The following FAM171A2 variants were observed in gnomAD, a reference collection of about 807,000 sequenced individuals.
The protein encoded by FAM171A2 is protein FAM171A2.
In FAM171A2, 13 loss-of-function variants were observed where a neutral mutation model predicts 34.2. The ratio of observed to expected loss-of-function variants is 0.38; its 90% CI spans 0.25 to 0.60. FAM171A2 has a LOEUF of 0.60. Among genes scored for constraint, FAM171A2 ranks in the 20% least tolerant of loss-of-function variants. FAM171A2 has a pLI of 0.62. For missense variants in FAM171A2, 950 were observed against 1,180.7 expected (o/e 0.80, Z 2.86); for synonymous variants, 475 against 561.2 (o/e 0.85, Z 2.17).
chr17:44,362,264 A>C (rs530080295), intron 1 of FAM171A2, among the ~76,000 whole-genome samples: 62 of 152,074 alleles, frequency 4.1e-4, no homozygotes, highest in Non-Finnish European at 2.1e-4. Flanking sequence ...GGGCGTCCTA[A>C]GAAACTAGGG....
At position 44,356,316 on chromosome 17, in the gene FAM171A2, G is replaced by T; in HGVS notation, c.635C>A (p.Ala212Asp). The part of the protein sequence containing the change: ...GSWLELMPLT[A>D]VSVHLLTGNG... ...ACCTGTCAGCAGGTGCACGCTCACA[G>T]CAGTCAGGGGCATCAGCTCCAGCCA... Residue 212 changes from alanine (A) to aspartate (D), a missense_variant, in exon 5 of 8, where the codon GCT becomes GAT. Coordinates refer to ENST00000293443, the MANE Select transcript of FAM171A2 (RefSeq NM_198475.3). The T allele has an allele frequency of 6.5e-7, 1 of 1,549,126 alleles. No homozygotes were observed. Among genetic ancestry groups the T allele is most frequent in the Non-Finnish European group, 8.7e-7 (1 of 1,145,410 alleles).
Position 44,360,125 on chromosome 17 carries a change from C to T in FAM171A2, c.126G>A (p.Leu42=). The change falls in exon 2 of 8, where the codon CTG becomes CTA. Residue 42 remains leucine, a synonymous_variant. Transcript: ENST00000293443. ...PPEPPSPQEI[L]IKVQVYVSGE... ...CGCTCACATACACCTGCACCTTGATCAGGATCTCTGTGGGCAAGATGGGGC... is the reference window on the plus strand; with the variant it reads ...CGCTCACATACACCTGCACCTTGATTAGGATCTCTGTGGGCAAGATGGGGC... 6.4e-7 allele frequency: 1 copy of T among 1,551,292 alleles called. No homozygotes were observed. Among genetic ancestry groups the T allele is most frequent in the South Asian group, 1.2e-5 (1 of 84,020 alleles).
At chr17:44,362,101 G>A (rs111568402) in intron 1 of FAM171A2, among the ~76,000 whole-genome samples, 3,154 of 152,078 alleles carry the variant, frequency 0.021, 47 homozygotes, top group Non-Finnish European at 0.034. Flanking sequence ...TGCGGGTGGG[G>A]GAGAAGGGAG....
chr17:44,355,615 C>T lies in FAM171A2; in HGVS notation c.1022+100G>A, dbSNP rs1328759809. On this transcript the variant is annotated intron_variant, in intron 7 of 7. Transcript: ENST00000293443. This position sits in a 1 kb window ranked among gnomAD's most constrained non-coding sequence, Gnocchi z 4.1. ...TTAGCATGTTTGCAGGAAGTCTTTT[C>T]CTGTCTGCCCCTTGAGGACCAGAAG... is the stretch of plus-strand genomic sequence containing the variant. 2 of 1,474,972 alleles carry T rather than the reference C, an allele frequency of 1.4e-6. No individual in the cohort carries two copies. Among genetic ancestry groups the T allele is most frequent in the African/African-American group, 1.4e-5 (1 of 71,586 alleles). 91.4% of individuals were successfully genotyped at this position (1,474,972 alleles called of 1,614,324 possible). A position where few individuals can be genotyped will look rare whatever the true frequency, so the allele number is the denominator to read the frequency against.
Position 44,354,234 on chromosome 17 carries a change from C to A in FAM171A2, c.1980G>T (p.Gly660=). The change falls in exon 8 of 8, where the codon GGG becomes GGT. Residue 660 remains glycine (G), a synonymous_variant. Transcript: ENST00000293443. The surrounding 1 kb of genome is among the most constrained non-coding windows in gnomAD (Gnocchi z 5.8). ...HPRAWFVSLD[G]RSNSQVRHSY... ...AGTGGCGCACTTGCGAGTTGGAGCG[C>A]CCGTCGAGGGACACGAACCAGGCGC... 6.9e-7 allele frequency: 1 copy of A among 1,456,242 alleles called. No individual in the cohort carries two copies. Among genetic ancestry groups the A allele is most frequent in the Admixed American group, 2.4e-5 (1 of 41,850 alleles). The allele number at this position is 1,456,242 out of a possible 1,614,324, so 90.2% of individuals were successfully genotyped here.
In FAM171A2 at chr17:44,356,173, C is replaced by T. The variant is rs2048422388; in HGVS notation, c.778G>A (p.Gly260Arg). ...IPAWRFDPKS[G>R]LWVRNGTGVI... ...ACCTGCAGCCCCCTGAGGCACTTAC[C>T]ACTCTTGGGGTCAAATCTCCAGGCT... is the stretch of plus-strand genomic sequence containing the variant. The change falls in exon 5 of 8, where the codon GGG (glycine) becomes AGG (arginine). Residue 260 changes from glycine to arginine, a missense_variant and splice_region_variant. Physicochemically the swap from Gly to Arg is moderately radical, Grantham distance 125. This residue lies in a region of FAM171A2 where 752 missense variants were observed against 924.5 expected (regional missense o/e 0.81). Coordinates refer to ENST00000293443, the MANE Select transcript of FAM171A2 (RefSeq NM_198475.3). The T allele has an allele frequency of 1.9e-6, 3 of 1,543,662 alleles. No homozygotes were observed. Among genetic ancestry groups the T allele is most frequent in the Non-Finnish European group, 1.8e-6 (2 of 1,141,196 alleles).
At position 44,354,886 on chromosome 17, in the gene FAM171A2, C is replaced by A; in HGVS notation, c.1328G>T (p.Gly443Val). The change falls in exon 8 of 8, where the codon GGC becomes GTC. Residue 443 changes from glycine to valine, a missense_variant. Transcript: ENST00000293443. The surrounding 1 kb of genome is among the most constrained non-coding windows in gnomAD (Gnocchi z 5.8). ...ARGGESAGLK[G>V]ARSAEGPGGL... ...GCCGGGGCCCTCGGCCGAGCGAGCG[C>A]CCTTGAGCCCGGCGCTCTCGCCCCC... 1.5e-6 allele frequency: 2 copies of A among 1,373,004 alleles called. No individual in the cohort carries two copies. Among genetic ancestry groups the A allele is most frequent in the Non-Finnish European group, 1.9e-6 (2 of 1,068,928 alleles). The allele number at this position is 1,373,004 out of a possible 1,614,324, so 85.1% of individuals were successfully genotyped here. A position where few individuals can be genotyped will look rare whatever the true frequency, so the allele number is the denominator to read the frequency against.
intron 3 of FAM171A2, chr17:44,358,932 G>C (rs1218723613): frequency 6.5e-6 from 1 of 152,752 alleles, no homozygotes; most frequent in African/African-American, 2.4e-5. Flanking sequence ...TGCTCCGTTC[G>C]ACAAGCTCTC....
In FAM171A2 at chr17:44,360,145, T is replaced by G. The variant is rs1200034266; in HGVS notation, c.119-13A>C. The G allele has an allele frequency of 5.2e-6, 8 of 1,543,496 alleles. No individual in the cohort carries two copies. The highest frequency in any genetic ancestry group is 1.4e-5 in the African/African-American group (1 of 72,046). ...TTGATCAGGATCTCTGTGGGCAAGA[T>G]GGGGCAAAGGGAGTGAGGACGAGGG... On this transcript the variant is annotated splice_polypyrimidine_tract_variant and intron_variant, in intron 1 of 7. Coordinates refer to ENST00000293443, the MANE Select transcript of FAM171A2 (RefSeq NM_198475.3).
At chr17:44,357,711 T>C (rs911969687) in intron 3 of FAM171A2, among the ~76,000 whole-genome samples, 4 of 119,370 alleles carry the variant, frequency 3.4e-5, no homozygotes, top group Non-Finnish European at 5.3e-5. Flanking sequence ...TAGTGGCTAC[T>C]GCATTAGACA....
intron 1 of FAM171A2, among the ~76,000 whole-genome samples, chr17:44,361,758 T>C (rs2048448843): frequency 6.6e-6 from 1 of 152,206 alleles, no homozygotes; most frequent in South Asian, 2.1e-4. Flanking sequence ...GTAGGCACTA[T>C]CCTTCCATGT....
rs2143384228 is a variant in FAM171A2, at chr17:44,360,151, A to G, written c.119-19T>C. On this transcript the variant is annotated intron_variant, in intron 1 of 7. Transcript: ENST00000293443. ...AGGATCTCTGTGGGCAAGATGGGGC[A>G]AAGGGAGTGAGGACGAGGGAGGGGG... 4.5e-6 allele frequency: 7 copies of G among 1,544,308 alleles called. No individual in the cohort carries two copies. Among genetic ancestry groups the G allele is most frequent in the Non-Finnish European group, 5.3e-6 (6 of 1,140,702 alleles).
chr17:44,362,563 G>C (rs977413806), intron 1 of FAM171A2, among the ~76,000 whole-genome samples: 1 of 152,228 alleles, frequency 6.6e-6, no homozygotes, highest in Non-Finnish European at 1.5e-5. Flanking sequence ...GCAGGAGAGG[G>C]AGAGCAGGAC....
rs563598867 is a variant in FAM171A2, at chr17:44,358,216, G to GGGC, written c.439+1360_439+1362dup. ...GAAAGGCCCAGAGGCGTGGGGCAGA[G>GGGC]GGCGGCCCGGGCTCTGGAGGGTGCA... On this transcript the variant is annotated intron_variant, in intron 3 of 7. Transcript: ENST00000293443. Among the ~76,000 whole-genome samples, 11 of 152,360 alleles carry GGGC rather than the reference G, an allele frequency of 7.2e-5. No homozygotes were observed. The South Asian group carries it at 1.2e-3, about 17-fold the overall frequency.
chr17:44,354,801 C>A lies in FAM171A2; in HGVS notation c.1413G>T (p.Leu471=). The change falls in exon 8 of 8, where the codon CTG becomes CTT. Residue 471 remains leucine, a synonymous_variant. Coordinates refer to ENST00000293443, the MANE Select transcript of FAM171A2 (RefSeq NM_198475.3). This position sits in a 1 kb window ranked among gnomAD's most constrained non-coding sequence, Gnocchi z 5.8. ...RRGPSGAAAF[L]HEPPSPPPPF... ...GCGGCGGCGGCGAGGGCGGCTCGTGCAGGAAGGCCGCAGCCCCCGAGGGCC... is the reference window on the plus strand; with the variant it reads ...GCGGCGGCGGCGAGGGCGGCTCGTGAAGGAAGGCCGCAGCCCCCGAGGGCC... The A allele has an allele frequency of 7.7e-7, 1 of 1,292,790 alleles. No homozygotes were observed. Among genetic ancestry groups the A allele is most frequent in the African/African-American group, 1.5e-5 (1 of 64,556 alleles). The allele number at this position is 1,292,790 out of a possible 1,614,324, so 80.1% of individuals were successfully genotyped here.
chr17:44,355,164 C>T lies in FAM171A2; in HGVS notation c.1050G>A (p.Gln350=), dbSNP rs1205667140. ...CRRRCLKPRQ[Q]HRKLQLSGPS... is the part of the protein sequence containing the mutation. ...GCCCCGAGAGCTGCAGCTTGCGGTGCTGTTGCCTCGGCTTCAGGCAGCGCC... is the reference window on the plus strand; with the variant it reads ...GCCCCGAGAGCTGCAGCTTGCGGTGTTGTTGCCTCGGCTTCAGGCAGCGCC... Residue 350 remains glutamine, a synonymous_variant, in exon 8 of 8, where the codon CAG becomes CAA. Transcript: ENST00000293443. This position sits in a 1 kb window ranked among gnomAD's most constrained non-coding sequence, Gnocchi z 4.1. The T allele has an allele frequency of 5.5e-5, 85 of 1,550,700 alleles. No individual in the cohort carries two copies. The Middle Eastern group carries it at 6.7e-4, about 12-fold the overall frequency.
At position 44,355,879 on chromosome 17, in the gene FAM171A2, C is replaced by T; in HGVS notation, c.896-38G>A. 1 of 1,550,072 alleles carries T rather than the reference C, an allele frequency of 6.5e-7. No homozygotes were observed. Among genetic ancestry groups the T allele is most frequent in the South Asian group, 1.2e-5 (1 of 84,016 alleles). ...AGGGCTTAGCGTTCAGGTGTAGACA[C>T]CCTTCCTGCCTTTCAGAAGTCTGCT... is the stretch of plus-strand genomic sequence containing the variant. On this transcript the variant is annotated intron_variant, in intron 6 of 7. Coordinates refer to ENST00000293443, the MANE Select transcript of FAM171A2 (RefSeq NM_198475.3). This position sits in a 1 kb window ranked among gnomAD's most constrained non-coding sequence, Gnocchi z 4.1.
intron 2 of FAM171A2, 43 bp from the exon 3 acceptor site, chr17:44,359,714 C>G: frequency 6.7e-7 from 1 of 1,499,230 alleles, no homozygotes; most frequent in Non-Finnish European, 9.0e-7. Flanking sequence ...AACCCACCCC[C>G]TACCCCCCAG....
chr17:44,356,613 G>C, intron 3 of FAM171A2, 25 bp from the exon 4 acceptor site: 1 of 1,522,048 alleles, frequency 6.6e-7, no homozygotes, highest in Non-Finnish European at 8.8e-7. Flanking sequence ...GGGCTGCAGT[G>C]GCTTGACCAT....
Sources: allele counts gnomAD v4.1 joint callset (sites outside exome capture counted in the v4.1 genomes callset), GRCh38; gene constraint gnomAD v4.1.1; regional missense constraint gnomAD v4.1.1; non-coding constraint Gnocchi (gnomAD v3.1); transcripts MANE v1.5; gene names NCBI Gene and HGNC (gene_info 2026-07-23, HGNC 2026-07-21).